The following BICD2 variants were observed in gnomAD, a reference collection of about 807,000 sequenced individuals.
The protein encoded by BICD2 is protein bicaudal D homolog 2.
A neutral mutation model predicts 72.9 loss-of-function variants in BICD2; 25 were observed. The ratio of observed to expected loss-of-function variants is 0.34; its 90% CI spans 0.25 to 0.48. BICD2 has a LOEUF of 0.48. Ranked by LOEUF, BICD2 falls within the 20% of genes least tolerant of loss-of-function variation. The probability of loss-of-function intolerance (pLI) is 0.99; values close to 1 mark genes in which losing one functional copy is unlikely to be tolerated. For synonymous variants in BICD2, 501 were observed against 516.1 expected (o/e 0.97, Z 0.40); for missense variants, 894 against 1,175.2 (o/e 0.76, Z 3.50).
At position 92,736,221 on chromosome 9, in the gene BICD2, C is replaced by G. The variant is rs148049666; in HGVS notation, c.241-6985G>C. Among the ~76,000 whole-genome samples, 1,216 of 152,324 alleles carry G rather than the reference C, an allele frequency of 8.0e-3. 22 individuals carry two copies. The highest frequency in any genetic ancestry group is 0.028 in the African/African-American group (1,149 of 41,566). Reference sequence around the variant, plus strand: ...CTGATAAAACAGGTTGCAGTAATTACTACAAACCCACCAAAACCCAACAAA... The same window carrying G: ...CTGATAAAACAGGTTGCAGTAATTAGTACAAACCCACCAAAACCCAACAAA... On this transcript the variant is annotated intron_variant, in intron 1 of 6. Transcript: ENST00000356884.
rs1853252872 is a variant in BICD2, at chr9:92,714,253, G to T, written c.*901C>A. On this transcript the variant is annotated 3_prime_UTR_variant, in exon 7 of 7. Transcript: ENST00000356884. ...CTTGGTGGCTCAGACTTCAGGCTAG[G>T]GTTTTCAAAGCCCCATGTCTTTGGG... 1.0e-6 allele frequency: 1 copy of T among 985,510 alleles called. No homozygotes were observed. Among genetic ancestry groups the T allele is most frequent in the Non-Finnish European group, 1.2e-6 (1 of 829,984 alleles). 61.0% of individuals were successfully genotyped at this position (985,510 alleles called of 1,614,324 possible).
At chr9:92,726,916 T>C (rs897368981) in intron 2 of BICD2, among the ~76,000 whole-genome samples, 3 of 152,176 alleles carry the variant, frequency 2.0e-5, no homozygotes, top group Non-Finnish European at 4.4e-5. Flanking sequence ...CCACCAGAGA[T>C]AGGCCTCTTG....
intron 1 of BICD2, among the ~76,000 whole-genome samples, chr9:92,761,974 T>A (rs1854381469): frequency 6.6e-6 from 1 of 152,114 alleles, no homozygotes; most frequent in African/African-American, 2.4e-5. Context: ...TGGCACTGTC[T>A]CCCATTCATC....
At position 92,715,861 on chromosome 9, in the gene BICD2, C is replaced by T. The variant is rs372827853; in HGVS notation, c.2259-398G>A. On this transcript the variant is annotated intron_variant, in intron 6 of 6. Coordinates refer to ENST00000356884, the MANE Select transcript of BICD2 (RefSeq NM_001003800.2). ...AAGGCCTCGAGGTGGCCTGGGGCAT[C>T]AAGACATGGAGAAGCCATGGCTTCT... is the stretch of plus-strand genomic sequence containing the variant. 9.2e-5 allele frequency among the ~76,000 whole-genome samples: 14 copies of T among 152,282 alleles called. No individual in the cohort carries two copies. The East Asian group carries it at 2.1e-3, about 23-fold the overall frequency.
At chr9:92,726,184 T>C (rs1158081458) in intron 2 of BICD2, among the ~76,000 whole-genome samples, 1 of 152,282 alleles carries the variant, frequency 6.6e-6, no homozygotes, top group Non-Finnish European at 1.5e-5. Flanking sequence ...AACCTCTGTT[T>C]CTTCACATCT....
Position 92,720,753 on chromosome 9 carries a change from C to T in BICD2, c.609G>A (p.Val203=). 1 of 1,612,884 alleles carries T rather than the reference C, an allele frequency of 6.2e-7. No individual in the cohort carries two copies. Among genetic ancestry groups the T allele is most frequent in the South Asian group, 1.1e-5 (1 of 91,040 alleles). The stretch of plus-strand genomic sequence containing the variant: ...TCTCATGCTTGAGGCCCTCAAACTC[C>T]ACCTGGGAAGAGAAGTCAACGCTCT... ...KQVSVLRQNQ[V]EFEGLKHEIK... The change falls in exon 4 of 7, where the codon GTG becomes GTA. Residue 203 remains valine, a splice_region_variant and synonymous_variant. Transcript: ENST00000356884. This position sits in a 1 kb window ranked among gnomAD's most constrained non-coding sequence, Gnocchi z 5.4.
intron 1 of BICD2, among the ~76,000 whole-genome samples, chr9:92,756,286 G>A (rs898072239): frequency 6.6e-6 from 1 of 151,448 alleles, no homozygotes; most frequent in Non-Finnish European, 1.5e-5. Context: ...GTCTGAGACG[G>A]AGTCTCGCTC....
rs534496557 is a variant in BICD2, at chr9:92,764,470, G to C, written c.240+35C>G. ...GACGACGCCCACAGGCCCCGGCGCC[G>C]GGCGGGGGTCGCAGGGCAGGGCGGC... is the stretch of plus-strand genomic sequence containing the variant. On this transcript the variant is annotated intron_variant, in intron 1 of 6. Transcript: ENST00000356884. This position sits in a 1 kb window ranked among gnomAD's most constrained non-coding sequence, Gnocchi z 5.5. The C allele has an allele frequency of 1.7e-5, 25 of 1,458,692 alleles. No individual in the cohort carries two copies. Among genetic ancestry groups the C allele is most frequent in the Admixed American group, 2.4e-5 (1 of 40,848 alleles). The allele number at this position is 1,458,692 out of a possible 1,614,324, so 90.4% of individuals were successfully genotyped here.
At chr9:92,744,844 A>G (rs1853975748) in intron 1 of BICD2, among the ~76,000 whole-genome samples, 1 of 151,656 alleles carries the variant, frequency 6.6e-6, no homozygotes, top group African/African-American at 2.4e-5. Context: ...CCGTCTCAGA[A>G]AAAAAAAAGA....
rs929062675 is a variant in BICD2, at chr9:92,715,010, T to G, written c.*144A>C. 7.0e-7 allele frequency: 1 copy of G among 1,422,670 alleles called. No homozygotes were observed. Among genetic ancestry groups the G allele is most frequent in the Non-Finnish European group, 9.2e-7 (1 of 1,088,732 alleles). The allele number at this position is 1,422,670 out of a possible 1,614,324, so 88.1% of individuals were successfully genotyped here. The stretch of plus-strand genomic sequence containing the variant: ...AAAGCTCTCACAAGTGTCCTGCTGA[T>G]GCAACGCCCCATGGCGCCTCGGCTA... On this transcript the variant is annotated 3_prime_UTR_variant, in exon 7 of 7. Transcript: ENST00000356884.
At chr9:92,750,676 G>A (rs1854128273) in intron 1 of BICD2, among the ~76,000 whole-genome samples, 1 of 151,812 alleles carries the variant, frequency 6.6e-6, no homozygotes, top group Non-Finnish European at 1.5e-5. Flanking sequence ...TTTTTTTAAG[G>A]CAGTGAAACT....
At chr9:92,715,995 A>G (rs1853304830) in intron 6 of BICD2, among the ~76,000 whole-genome samples, 1 of 152,260 alleles carries the variant, frequency 6.6e-6, no homozygotes, top group Admixed American at 6.5e-5. Context: ...TGTGGACGCC[A>G]TCAACAGCTT....
At chr9:92,715,532 C>G in intron 6 of BICD2, 69 bp from the exon 7 acceptor site, 1 of 1,467,918 alleles carries the variant, frequency 6.8e-7, no homozygotes, top group Non-Finnish European at 9.2e-7. Context: ...CAGGGCAGGG[C>G]TAAGCTGCAC....
chr9:92,763,890 TG>T (rs1243100691), intron 1 of BICD2, among the ~76,000 whole-genome samples: 2 of 152,176 alleles, frequency 1.3e-5, no homozygotes, highest in African/African-American at 4.8e-5. Flanking sequence ...GCAAGGGTAC[TG>T]GGGGACCCAT....
At chr9:92,746,567 A>G (rs1854019384) in intron 1 of BICD2, among the ~76,000 whole-genome samples, 2 of 151,962 alleles carry the variant, frequency 1.3e-5, no homozygotes, top group Admixed American at 6.6e-5. Context: ...ACATGGAAGC[A>G]CATGCCACAT....
chr9:92,734,906 G>C (rs1043255653), intron 1 of BICD2, among the ~76,000 whole-genome samples: 2 of 152,164 alleles, frequency 1.3e-5, no homozygotes, highest in Admixed American at 6.5e-5. Flanking sequence ...AGCTGCTCTG[G>C]GGAACAAAAG....
At position 92,713,671 on chromosome 9, in the gene BICD2, G is replaced by A. The variant is rs967484578; in HGVS notation, c.*1483C>T. 6 of 1,437,136 alleles carry A rather than the reference G, an allele frequency of 4.2e-6. No homozygotes were observed. Among genetic ancestry groups the A allele is most frequent in the East Asian group, 2.6e-5 (1 of 38,730 alleles). The allele number at this position is 1,437,136 out of a possible 1,614,324, so 89.0% of individuals were successfully genotyped here. A position where few individuals can be genotyped will look rare whatever the true frequency, so the allele number is the denominator to read the frequency against. On this transcript the variant is annotated 3_prime_UTR_variant, in exon 7 of 7. Coordinates refer to ENST00000356884, the MANE Select transcript of BICD2 (RefSeq NM_001003800.2). ...AGAAGCTATGTGCCAGGCTTGCAAG[G>A]AGAGGGCAAAGCGCATGCAGGGTGG...
intron 1 of BICD2, among the ~76,000 whole-genome samples, chr9:92,756,497 G>A (rs1294612662): frequency 2.6e-5 from 4 of 151,310 alleles, no homozygotes; most frequent in Non-Finnish European, 5.9e-5. Context: ...TGCTGACCTC[G>A]TGATCCGCCT....
rs540054344 is a variant in BICD2 at position 92,731,906 on chromosome 9, G to A, written c.241-2670C>T. 3.9e-5 allele frequency among the ~76,000 whole-genome samples: 6 copies of A among 152,334 alleles called. No individual in the cohort carries two copies. The South Asian group carries it at 1.2e-3, about 32-fold the overall frequency. ...CAGGCAGCTGGGGAGCACTCCCAGGGCCTGAAAAAATTAGTCTGGATTAAA... is the reference window on the plus strand; with the variant it reads ...CAGGCAGCTGGGGAGCACTCCCAGGACCTGAAAAAATTAGTCTGGATTAAA... On this transcript the variant is annotated intron_variant, in intron 1 of 6. Coordinates refer to ENST00000356884, the MANE Select transcript of BICD2 (RefSeq NM_001003800.2).
Sources: gnomAD v4.1 joint callset for allele counts (sites outside exome capture counted in the v4.1 genomes callset) on GRCh38, gnomAD v4.1.1 for gene constraint, Gnocchi (gnomAD v3.1) non-coding constraint, MANE v1.5 for transcripts, NCBI Gene and HGNC (gene_info 2026-07-23, HGNC 2026-07-21) for gene names.